Variants in RAVER1 observed in about 807,000 individuals in gnomAD.
RAVER1 encodes the protein ribonucleoprotein PTB-binding 1.
A neutral mutation model predicts 68.4 loss-of-function variants in RAVER1; 36 were observed. The observed-to-expected ratio is 0.53, with a 90% CI of 0.40 to 0.70. RAVER1 has a LOEUF of 0.70. Ranked by LOEUF, RAVER1 falls within the 30% of genes least tolerant of loss-of-function variation. The pLI, the probability that RAVER1 is intolerant of heterozygous loss-of-function variation, is 0.00. For synonymous variants in RAVER1, 469 were observed against 472.7 expected (o/e 0.99, Z 0.10); for missense variants, 933 against 1,019.8 (o/e 0.91, Z 1.16).
chr19:10,321,587 C>A lies in RAVER1; in HGVS notation c.1205G>T (p.Gly402Val). Residue 402 changes from glycine to valine, a missense_variant, in exon 7 of 13, where the codon GGC (glycine) becomes GTC (valine). Coordinates refer to ENST00000617231, the MANE Select transcript of RAVER1 (RefSeq NM_133452.3). ...TGGCTGGGCCCCAGGCTGGAGGGCG[C>A]CCAGGGGTGAGTCTCCCAGGATGCC... ...KPGILGDSPL[G>V]ALQPGAQPAN... is the part of the protein sequence containing the mutation. The A allele has an allele frequency of 2.9e-6, 4 of 1,398,586 alleles. No homozygotes were observed. Among genetic ancestry groups the A allele is most frequent in the Non-Finnish European group, 3.7e-6 (4 of 1,070,956 alleles). The allele number at this position is 1,398,586 out of a possible 1,614,324, so 86.6% of individuals were successfully genotyped here. A position where few individuals can be genotyped will look rare whatever the true frequency, so the allele number is the denominator to read the frequency against.
In RAVER1 at chr19:10,328,491, GC is replaced by G. The variant is rs1457223830; in HGVS notation, c.756+150del. ...TGCTTGAACCAAAGAGGCGGAGGTT[GC>G]AGTGAACTGAGATTGTATCACTGCA... is the stretch of plus-strand genomic sequence containing the variant. On this transcript the variant is annotated intron_variant, in intron 3 of 12. Transcript: ENST00000617231. This position sits in a 1 kb window ranked among gnomAD's most constrained non-coding sequence, Gnocchi z 4.4. 3 of 614,538 alleles carry G rather than the reference GC, an allele frequency of 4.9e-6. No individual in the cohort carries two copies. Among genetic ancestry groups the G allele is most frequent in the Non-Finnish European group, 8.5e-6 (3 of 351,600 alleles). 38.1% of individuals were successfully genotyped at this position (614,538 alleles called of 1,614,324 possible).
chr19:10,324,378 C>CTTTTG (rs1397740331), intron 3 of RAVER1, among the ~76,000 whole-genome samples: 4 of 152,006 alleles, frequency 2.6e-5, no homozygotes, highest in African/African-American at 7.2e-5. Context: ...AACCTGTCGG[C>CTTTTG]TTTTGTTTTG....
Position 10,328,712 on chromosome 19 carries a change from G to C in RAVER1, c.686C>G (p.Pro229Arg). The change falls in exon 3 of 13, where the codon CCA becomes CGA. Residue 229 changes from proline to arginine, a missense_variant. Pro to Arg is a moderately radical substitution (Grantham distance 103). This residue lies in a region of RAVER1 where 699 missense variants were observed against 731.1 expected (regional missense o/e 0.96). Coordinates refer to ENST00000617231, the MANE Select transcript of RAVER1 (RefSeq NM_133452.3). This position sits in a 1 kb window ranked among gnomAD's most constrained non-coding sequence, Gnocchi z 4.4. ...HSRCLCVDRL[P>R]PGFNDVDALC... ...AGCGTCCACATCGTTGAAGCCAGGTGGCAGGCGGTCCACACAGAGGCAGCG... is the reference window on the plus strand; with the variant it reads ...AGCGTCCACATCGTTGAAGCCAGGTCGCAGGCGGTCCACACAGAGGCAGCG... 2 of 1,609,664 alleles carry C rather than the reference G, an allele frequency of 1.2e-6. No homozygotes were observed. The highest frequency in any genetic ancestry group is 1.7e-6 in the Non-Finnish European group (2 of 1,178,470).
Position 10,317,028 on chromosome 19 carries a change from GA to G in RAVER1, c.*425del. 1.8e-5 allele frequency: 4 copies of G among 220,262 alleles called. No individual in the cohort carries two copies. The highest frequency in any genetic ancestry group is 2.7e-5 in the Non-Finnish European group (3 of 111,688). The allele number at this position is 220,262 out of a possible 1,614,324, so 13.6% of individuals were successfully genotyped here. On this transcript the variant is annotated 3_prime_UTR_variant, in exon 13 of 13. Coordinates refer to ENST00000617231, the MANE Select transcript of RAVER1 (RefSeq NM_133452.3). This position sits in a 1 kb window ranked among gnomAD's most constrained non-coding sequence, Gnocchi z 4.3. ...GTTTGAAAAATAAAACTTAGAAAAG[GA>G]AACAGAAGTCAGTTGTCAAAGTTAA...
rs962922168 is a variant in RAVER1 at position 10,323,659 on chromosome 19, A to G, written c.757-93T>C. 3.2e-5 allele frequency: 44 copies of G among 1,364,916 alleles called. No homozygotes were observed. Among genetic ancestry groups the G allele is most frequent in the South Asian group, 4.1e-5 (3 of 72,506 alleles). 84.6% of individuals were successfully genotyped at this position (1,364,916 alleles called of 1,614,324 possible). A position where few individuals can be genotyped will look rare whatever the true frequency, so the allele number is the denominator to read the frequency against. ...AACCGTAACCAGACTCAGCTGCCCC[A>G]TAAGGGTGAACTCCACGCCAGGCCT... On this transcript the variant is annotated intron_variant, in intron 3 of 12. Coordinates refer to ENST00000617231, the MANE Select transcript of RAVER1 (RefSeq NM_133452.3). The surrounding 1 kb of genome is among the most constrained non-coding windows in gnomAD (Gnocchi z 6.2).
rs1235382778 is a variant in RAVER1, at chr19:10,329,700, T to C, written c.287-589A>G. On this transcript the variant is annotated intron_variant, in intron 2 of 12. Transcript: ENST00000617231. The surrounding 1 kb of genome is among the most constrained non-coding windows in gnomAD (Gnocchi z 4.6). ...CCCTGCTGCCACGTGCTGCCCCAGA[T>C]TTGCGATCCACCCAGCGGCCGCAGG... 6.6e-6 allele frequency among the ~76,000 whole-genome samples: 1 copy of C among 152,086 alleles called. No homozygotes were observed. Among genetic ancestry groups the C allele is most frequent in the Non-Finnish European group, 1.5e-5 (1 of 68,018 alleles).
chr19:10,323,321 C>T lies in RAVER1; in HGVS notation c.949-47G>A. 6.2e-7 allele frequency: 1 copy of T among 1,611,588 alleles called. No homozygotes were observed. The highest frequency in any genetic ancestry group is 1.3e-5 in the African/African-American group (1 of 74,956). ...GCTCAGAGTGCCGCTGGGGCCCTGA[C>T]ATCCCCATGGGGCTCCCATCCCCAC... On this transcript the variant is annotated intron_variant, in intron 4 of 12. Coordinates refer to ENST00000617231, the MANE Select transcript of RAVER1 (RefSeq NM_133452.3). The surrounding 1 kb of genome is among the most constrained non-coding windows in gnomAD (Gnocchi z 6.2).
In RAVER1 at chr19:10,321,155, C is replaced by A. The variant is rs1181095620; in HGVS notation, c.1366G>T (p.Gly456Cys). The change falls in exon 8 of 13, where the codon GGT becomes TGT. Residue 456 changes from glycine to cysteine, a missense_variant. By Grantham distance (159) the Gly-to-Cys change is radical (BLOSUM62 -3). This residue lies in a region of RAVER1 where 699 missense variants were observed against 731.1 expected (regional missense o/e 0.96). Coordinates refer to ENST00000617231, the MANE Select transcript of RAVER1 (RefSeq NM_133452.3). Reference protein sequence around the residue: ...AGGDREALGLGPPAAQLTPPP... With the variant: ...AGGDREALGLCPPAAQLTPPP... ...GGAGTGAGCTGGGCCGCTGGGGGAC[C>A]CAAGCCCAGGGCCTCCCGGTCACCC... 4.7e-6 allele frequency: 6 copies of A among 1,285,612 alleles called. No homozygotes were observed. The African/African-American group carries it at 9.3e-5, about 20-fold the overall frequency. The allele number at this position is 1,285,612 out of a possible 1,614,324, so 79.6% of individuals were successfully genotyped here.
chr19:10,319,080 C>T (rs1355903196), intron 10 of RAVER1, 86 bp downstream of exon 10: 2 of 1,245,876 alleles, frequency 1.6e-6, no homozygotes, highest in Admixed American at 3.9e-5. Context: ...AATACAAGGT[C>T]TGCTGTTCCA....
intron 8 of RAVER1, 42 bp from the exon 9 acceptor site, chr19:10,320,993 GGAACCCT>G: frequency 2.0e-6 from 3 of 1,481,924 alleles, no homozygotes; most frequent in Non-Finnish European, 2.7e-6. Context: ...CCCGGGAGAG[GGAACCCT>G]GCGGAACAGG....
At position 10,318,356 on chromosome 19, in the gene RAVER1, C is replaced by T; in HGVS notation, c.1862G>A (p.Ser621Asn). The stretch of plus-strand genomic sequence containing the variant: ...ACCGCTGCTCCGTTCGCCGAAGCCA[C>T]TGGGCGGGGGGGACATCTGTAGAAG... Reference protein sequence around the residue: ...PSRHKMSPPPSGFGERSSGGS... With the variant: ...PSRHKMSPPPNGFGERSSGGS... Residue 621 changes from serine (S) to asparagine (N), a missense_variant, in exon 11 of 13, where the codon AGT becomes AAT. Ser to Asn is a conservative substitution (Grantham distance 46). Coordinates refer to ENST00000617231, the MANE Select transcript of RAVER1 (RefSeq NM_133452.3). 1 of 1,602,774 alleles carries T rather than the reference C, an allele frequency of 6.2e-7. No individual in the cohort carries two copies. Among genetic ancestry groups the T allele is most frequent in the Middle Eastern group, 1.7e-4 (1 of 6,014 alleles).
At chr19:10,324,842 C>A (rs2040463332) in intron 3 of RAVER1, among the ~76,000 whole-genome samples, 1 of 152,168 alleles carries the variant, frequency 6.6e-6, no homozygotes, top group African/African-American at 2.4e-5. Context: ...TAAAGGTGGG[C>A]TCCTCGGAGG....
chr19:10,321,762 C>A, intron 6 of RAVER1, 144 bp from the exon 7 acceptor site: 1 of 494,914 alleles, frequency 2.0e-6, no homozygotes, highest in Non-Finnish European at 3.3e-6. Context: ...CCCCAGTGCC[C>A]GCCACACTCC....
Position 10,323,138 on chromosome 19 carries a change from AC to A in RAVER1, c.1078+6del. On this transcript the variant is annotated splice_donor_region_variant and intron_variant, in intron 5 of 12. Coordinates refer to ENST00000617231, the MANE Select transcript of RAVER1 (RefSeq NM_133452.3). This position sits in a 1 kb window ranked among gnomAD's most constrained non-coding sequence, Gnocchi z 6.2. ...CACAGTGGGGCCCCTGTCCAGCCCC[AC>A]CTTACCCTGCTTCCCCCCCGCACTG... The A allele has an allele frequency of 1.3e-6, 2 of 1,581,544 alleles. No homozygotes were observed. The highest frequency in any genetic ancestry group is 2.3e-5 in the South Asian group (2 of 87,174).
In RAVER1 at chr19:10,326,928, G is replaced by C. The variant is rs2145078951; in HGVS notation, c.756+1714C>G. 4.0e-5 allele frequency among the ~76,000 whole-genome samples: 6 copies of C among 150,836 alleles called. No individual in the cohort carries two copies. The South Asian group carries it at 1.3e-3, about 32-fold the overall frequency. On this transcript the variant is annotated intron_variant, in intron 3 of 12. Coordinates refer to ENST00000617231, the MANE Select transcript of RAVER1 (RefSeq NM_133452.3). ...ATTACAGGCCTGCACCACCACACCT[G>C]GCTAATTTTTTTTGTATTTTTAGTA...
intron 1 of RAVER1, among the ~76,000 whole-genome samples, 189 bp from the exon 2 acceptor site, chr19:10,330,715 T>C (rs1018446174): frequency 2.0e-5 from 3 of 152,160 alleles, no homozygotes; most frequent in Admixed American, 6.6e-5. Context: ...AGAGATGGGA[T>C]TCAGAACCTA....
rs768838407 is a variant in RAVER1, at chr19:10,320,864, G to A, written c.1561C>T (p.Leu521=). ...NLHSLLPASN[L]AGKEARGWGG... ...CAGCCCCGGGCCTCCTTACCCGCCA[G>A]GTTGCTGGCCGGGAGCAGGCTGTGT... The change falls in exon 9 of 13, where the codon CTG becomes TTG. Residue 521 remains leucine (L), a synonymous_variant. Transcript: ENST00000617231. The A allele has an allele frequency of 2.2e-5, 34 of 1,512,866 alleles. No individual in the cohort carries two copies. In the East Asian group the frequency reaches 8.5e-4, roughly 38 times the overall value. The allele number at this position is 1,512,866 out of a possible 1,614,324, so 93.7% of individuals were successfully genotyped here. A position where few individuals can be genotyped will look rare whatever the true frequency, so the allele number is the denominator to read the frequency against.
At position 10,323,473 on chromosome 19, in the gene RAVER1, C is replaced by T. The variant is rs1172591434; in HGVS notation, c.850G>A (p.Gly284Ser). The change falls in exon 4 of 13, where the codon GGC becomes AGC. Residue 284 changes from glycine to serine, a missense_variant. Coordinates refer to ENST00000617231, the MANE Select transcript of RAVER1 (RefSeq NM_133452.3). The surrounding 1 kb of genome is among the most constrained non-coding windows in gnomAD (Gnocchi z 6.2). ...MAEEAQQQAD[G>S]LSLGGSHLRV... ...AGGTGGCTGCCCCCCAGGGACAGGC[C>T]GTCCGCCTGCTGCTGTGCCTCCTCC... 4.3e-6 allele frequency: 7 copies of T among 1,609,662 alleles called. No individual in the cohort carries two copies. The highest frequency in any genetic ancestry group is 4.0e-5 in the African/African-American group (3 of 75,026).
chr19:10,332,753 G>T (rs546607062), intron 1 of RAVER1, among the ~76,000 whole-genome samples: 1 of 152,150 alleles, frequency 6.6e-6, no homozygotes, highest in Non-Finnish European at 1.5e-5. Context: ...GGTGGCAGAA[G>T]ACCCCATTTT....
Sources: allele counts gnomAD v4.1 joint callset (sites outside exome capture counted in the v4.1 genomes callset), GRCh38; gene constraint gnomAD v4.1.1; regional missense constraint gnomAD v4.1.1; non-coding constraint Gnocchi (gnomAD v3.1); transcripts MANE v1.5; gene names NCBI Gene and HGNC (gene_info 2026-07-23, HGNC 2026-07-21).